The following PDE1C variants were observed in gnomAD, a reference collection of about 807,000 sequenced individuals.
PDE1C encodes the protein dual specificity calcium/calmodulin-dependent 3',5'-cyclic nucleotide phosphodiesterase 1C.
A neutral mutation model predicts 93.1 loss-of-function variants in PDE1C; 62 were observed. That is an observed-to-expected ratio of 0.67 (90% CI 0.54 to 0.82). The LOEUF is 0.82. Among genes scored for constraint, PDE1C ranks in the 40% least tolerant of loss-of-function variants. The pLI, the probability that PDE1C is intolerant of heterozygous loss-of-function variation, is 0.00. For missense variants in PDE1C, 742 were observed against 884.6 expected, an observed-to-expected ratio of 0.84 and a Z score of 2.04; for synonymous variants, 325 against 310.1, an observed-to-expected ratio of 1.05 and a Z score of -0.50.
the PDE1C span, among the ~76,000 whole-genome samples, chr7:31,693,914 T>C: frequency 6.6e-6 from 1 of 152,212 alleles, no homozygotes. Flanking sequence ...TATCTGTAGA[T>C]CTAGCCAAAC....
intron 2 of PDE1C, among the ~76,000 whole-genome samples, chr7:32,003,307 T>C (rs1319112469): frequency 6.6e-6 from 1 of 152,210 alleles, no homozygotes; most frequent in Non-Finnish European, 1.5e-5. Context: ...GGAACTATGA[T>C]AGAATTCTGT....
intron 1 of PDE1C, among the ~76,000 whole-genome samples, chr7:32,426,198 T>C (rs1227257939): frequency 6.6e-6 from 1 of 152,168 alleles, no homozygotes; most frequent in African/African-American, 2.4e-5. Flanking sequence ...ACTATATTTA[T>C]GATTTGCAAC....
At chr7:31,859,912 T>A in intron 7 of PDE1C, among the ~76,000 whole-genome samples, 1 of 152,296 alleles carries the variant, frequency 6.6e-6, no homozygotes, top group Admixed American at 6.5e-5. Flanking sequence ...GAATAATACA[T>A]CTTGAATTTT....
At position 31,927,752 on chromosome 7, in the gene PDE1C, A is replaced by G. The variant is rs557440957; in HGVS notation, c.129-46892T>C. Reference sequence around the variant, plus strand: ...AAAGCAATAACATCAACATCCACAAAAAGGACACCCACAGAAAAACCCCAT... The same window carrying G: ...AAAGCAATAACATCAACATCCACAAGAAGGACACCCACAGAAAAACCCCAT... On this transcript the variant is annotated intron_variant, in intron 2 of 17. Coordinates refer to ENST00000396191, the MANE Select transcript of PDE1C (RefSeq NM_001191057.4). 1.3e-3 allele frequency among the ~76,000 whole-genome samples: 201 copies of G among 152,302 alleles called. 1 individual carries two copies. The highest frequency in any genetic ancestry group is 4.6e-3 in the African/African-American group (193 of 41,582).
At chr7:32,072,931 T>G (rs114812962), upstream of PDE1C, among the ~76,000 whole-genome samples, 966 of 152,352 alleles carry the variant, frequency 6.3e-3, 15 homozygotes, top group African/African-American at 0.022. Flanking sequence ...GTTTTCAGCT[T>G]TATGATTCAT....
At chr7:32,420,108 T>C (rs1322475314) in intron 1 of PDE1C, among the ~76,000 whole-genome samples, 1 of 22,292 alleles carries the variant, frequency 4.5e-5, no homozygotes, top group Non-Finnish European at 9.5e-5. Context: ...TATATATATA[T>C]ATATATATAT....
intron 1 of PDE1C, among the ~76,000 whole-genome samples, chr7:32,249,173 T>C (rs546759294): frequency 6.6e-6 from 1 of 152,072 alleles, no homozygotes; most frequent in South Asian, 2.1e-4. Flanking sequence ...AAGGGTGCTA[T>C]GGAATGGGTT....
intron 1 of PDE1C, among the ~76,000 whole-genome samples, chr7:32,058,383 A>G (rs1455267020): frequency 6.6e-6 from 1 of 152,218 alleles, no homozygotes; most frequent in East Asian, 1.9e-4. Context: ...AGTTAACTAC[A>G]GGTTCTCATG....
chr7:32,346,202 G>A (rs1325736062), intron 1 of PDE1C, among the ~76,000 whole-genome samples: 2 of 152,230 alleles, frequency 1.3e-5, no homozygotes, highest in East Asian at 3.9e-4. Context: ...ACTTAGGATT[G>A]AATGTACTAT....
At chr7:31,721,501 T>A in the PDE1C span, among the ~76,000 whole-genome samples, 3 of 152,156 alleles carry the variant, frequency 2.0e-5, no homozygotes, top group East Asian at 5.8e-4. Context: ...CACCACAGAT[T>A]TGGAACATTA....
chr7:32,214,628 ACTT>A (rs1399574316), intron 1 of PDE1C, among the ~76,000 whole-genome samples: 2 of 152,114 alleles, frequency 1.3e-5, no homozygotes, highest in African/African-American at 4.8e-5. Flanking sequence ...ACCCCTATTC[ACTT>A]CTTCTTTTCA....
At chr7:32,149,827 T>C (rs981001990) in intron 3 of PDE1C, among the ~76,000 whole-genome samples, 1 of 152,178 alleles carries the variant, frequency 6.6e-6, no homozygotes, top group Non-Finnish European at 1.5e-5. Flanking sequence ...AAAAACTTCT[T>C]TTAAGAAAAC....
chr7:31,780,133 T>C (rs1783295458), intron 16 of PDE1C, among the ~76,000 whole-genome samples: 1 of 152,182 alleles, frequency 6.6e-6, no homozygotes, highest in South Asian at 2.1e-4. Context: ...CACCCCAAGA[T>C]GCTGTTTAGT....
intron 3 of PDE1C, among the ~76,000 whole-genome samples, chr7:32,109,544 C>T (rs528933587): frequency 6.6e-6 from 1 of 152,222 alleles, no homozygotes; most frequent in Non-Finnish European, 1.5e-5. Context: ...CTGGCCTCTA[C>T]CCAATAGGTG....
At chr7:32,425,722 G>T (rs1167281040) in intron 1 of PDE1C, among the ~76,000 whole-genome samples, 1 of 152,128 alleles carries the variant, frequency 6.6e-6, no homozygotes, top group Non-Finnish European at 1.5e-5. Context: ...TGGGTGGATT[G>T]CTTGAGCCCA....
chr7:32,380,404 A>ATTTTTTTTTT (rs55965828), intron 1 of PDE1C, among the ~76,000 whole-genome samples: 3 of 137,260 alleles, frequency 2.2e-5, no homozygotes, highest in Admixed American at 7.6e-5. Context: ...TGCCCGGCTA[A>ATTTTTTTTTT]TTTTTTTTTT....
At chr7:32,226,810 G>A (rs1047059694) in intron 1 of PDE1C, among the ~76,000 whole-genome samples, 9 of 152,142 alleles carry the variant, frequency 5.9e-5, no homozygotes, top group African/African-American at 2.2e-4. Context: ...CCAAAGCCAG[G>A]GAAACCCAAT....
In PDE1C at chr7:31,850,365, C is replaced by T. The variant is rs1010439744; in HGVS notation, c.851+276G>A. On this transcript the variant is annotated intron_variant, in intron 8 of 17. Coordinates refer to ENST00000396191, the MANE Select transcript of PDE1C (RefSeq NM_001191057.4). ...CTGTTAGAAGTAGGTCAAGTATGTA[C>T]AGAACATACATAAACAAATAGCGAA... Among the ~76,000 whole-genome samples the T allele has an allele frequency of 1.1e-4, 16 of 152,008 alleles. 1 individual carries two copies. Among genetic ancestry groups the T allele is most frequent in the African/African-American group, 3.9e-4 (16 of 41,382 alleles).
chr7:32,312,240 T>A (rs1006820008), intron 1 of PDE1C, among the ~76,000 whole-genome samples: 2 of 152,094 alleles, frequency 1.3e-5, no homozygotes, highest in Non-Finnish European at 2.9e-5. Context: ...AAACCACTGC[T>A]CAAGGAAATA....
Sources: allele counts gnomAD v4.1 joint callset (sites outside exome capture counted in the v4.1 genomes callset), GRCh38; gene constraint gnomAD v4.1.1; transcripts MANE v1.5; gene names NCBI Gene and HGNC (gene_info 2026-07-23, HGNC 2026-07-21).